PRG4: variants seen among roughly 807,000 people sequenced by gnomAD.
PRG4 encodes articular superficial zone protein.
Under a neutral mutation model 91.2 loss-of-function variants are expected in PRG4, and 61 were observed. The observed-to-expected ratio is 0.67, with a 90% CI of 0.54 to 0.83. The LOEUF (loss-of-function observed/expected upper bound fraction) is 0.83, where lower values mean the gene tolerates loss of function less well. PRG4 is among the 40% of genes least tolerant of loss of function. PRG4 has a pLI of 0.00. For synonymous variants in PRG4, 576 were observed against 614.2 expected, an observed-to-expected ratio of 0.94 and a Z score of 0.92; for missense variants, 1,564 against 1,714.2, an observed-to-expected ratio of 0.91 and a Z score of 1.55.
intron 3 of PRG4, 107 bp downstream of exon 3, chr1:186,300,320 C>A (rs977315602): frequency 3.5e-6 from 5 of 1,432,378 alleles, no homozygotes; most frequent in Non-Finnish European, 3.9e-6. Flanking sequence ...CCCTTGCACC[C>A]ACTTGCAGTG....
chr1:186,302,413 T>C (rs1285658691), intron 4 of PRG4, among the ~76,000 whole-genome samples: 1 of 152,254 alleles, frequency 6.6e-6, no homozygotes, highest in African/African-American at 2.4e-5. Flanking sequence ...TTTAAAAATA[T>C]ACTTGAATAC....
rs376036927 is a variant in PRG4, at chr1:186,307,854, C to T, written c.2135C>T (p.Thr712Ile). ...ACTGCTCCAACTACCCCTAAAGGGA[C>T]TGCTCCAACTACCCTCAAGGAACCT... ...KETAPTTPKG[T>I]APTTLKEPAP... Residue 712 changes from threonine (T) to isoleucine (I), a missense_variant, in exon 7 of 13, where the codon ACT becomes ATT. Thr to Ile is a moderately conservative substitution (Grantham distance 89, BLOSUM62 -1). Transcript: ENST00000445192. 1 of 1,611,380 alleles carries T rather than the reference C, an allele frequency of 6.2e-7. No homozygotes were observed. The highest frequency in any genetic ancestry group is 8.5e-7 in the Non-Finnish European group (1 of 1,179,224).
At position 186,312,191 on chromosome 1, in the gene PRG4, G is replaced by C. The variant is rs1309497507; in HGVS notation, c.3810G>C (p.Gln1270His). 3 of 1,613,842 alleles carry C rather than the reference G, an allele frequency of 1.9e-6. No individual in the cohort carries two copies. The highest frequency in any genetic ancestry group is 4.5e-5 in the East Asian group (2 of 44,868). ...YFFKRGGSIQ[Q>H]YIYKQEPVQK... ...ACATAACAGGTGGCAGCATTCAGCA[G>C]TATATTTATAAACAGGAACCTGTAC... The change falls in exon 11 of 13, where the codon CAG becomes CAC. Residue 1270 changes from glutamine (Q) to histidine (H), a missense_variant. This residue lies in a region of PRG4 where 1,079 missense variants were observed against 1,162.2 expected (regional missense o/e 0.93). Coordinates refer to ENST00000445192, the MANE Select transcript of PRG4 (RefSeq NM_005807.6).
At chr1:186,312,918 C>T in intron 12 of PRG4, 24 bp downstream of exon 12, 1 of 1,599,690 alleles carries the variant, frequency 6.3e-7, no homozygotes, top group East Asian at 2.2e-5. Context: ...TAACAGTTTC[C>T]CAAGGAGGTG....
rs921808391 is a variant in PRG4 at position 186,304,834 on chromosome 1, CTCCTCT to C, written c.519_524del (p.Ser176_Ser177del). 4.3e-6 allele frequency: 7 copies of C among 1,612,056 alleles called. No homozygotes were observed. Among genetic ancestry groups the C allele is most frequent in the African/African-American group, 2.7e-5 (2 of 74,736 alleles). On this transcript the variant is annotated inframe_deletion, in exon 6 of 13. Transcript: ENST00000445192. ...AAAATCAAGAGTCCTCCTCCTCCTC[CTCCTCT>C]TCCTCTTCTTCTTCAACAATTCGGA...
rs137926198 is a variant in PRG4 at position 186,307,917 on chromosome 1, T to G, written c.2198T>G (p.Leu733Arg). The G allele has an allele frequency of 1.1e-4, 175 of 1,524,612 alleles. No homozygotes were observed. The African/African-American group carries it at 1.8e-3, about 16-fold the overall frequency. The allele number at this position is 1,524,612 out of a possible 1,614,324, so 94.4% of individuals were successfully genotyped here. The change falls in exon 7 of 13, where the codon CTT becomes CGT. Residue 733 changes from leucine to arginine, a missense_variant. By Grantham distance (102) the Leu-to-Arg change is moderately radical. Around this residue, in one of 3 missense-constraint regions of PRG4, gnomAD observed 1,079 missense variants for 1,162.2 expected, o/e 0.93. Transcript: ENST00000445192. ...CCCAAGAAGCCTGCCCCCAAGGAGC[T>G]TGCACCCACCACCACCAAGGAGCCC... Reference protein sequence around the residue: ...TTPKKPAPKELAPTTTKEPTS... With the variant: ...TTPKKPAPKERAPTTTKEPTS...
chr1:186,302,555 C>T (rs932499511), intron 4 of PRG4, among the ~76,000 whole-genome samples: 2 of 152,224 alleles, frequency 1.3e-5, no homozygotes, highest in Non-Finnish European at 1.5e-5. Flanking sequence ...AACAAGCCTG[C>T]GCTTCCTGCT....
At chr1:186,297,132 T>G (rs1655910179) in intron 2 of PRG4, among the ~76,000 whole-genome samples, 181 bp downstream of exon 2, 1 of 152,222 alleles carries the variant, frequency 6.6e-6, no homozygotes. Context: ...ATTCTCATCT[T>G]TTTCTCCTTT....
chr1:186,313,028 A>T lies in PRG4; in HGVS notation c.4117+134A>T. 5.2e-6 allele frequency: 5 copies of T among 966,418 alleles called. No homozygotes were observed. The South Asian group carries it at 6.9e-5, about 13-fold the overall frequency. The allele number at this position is 966,418 out of a possible 1,614,324, so 59.9% of individuals were successfully genotyped here. On this transcript the variant is annotated intron_variant, in intron 12 of 12. Transcript: ENST00000445192. ...ACGGTACTTATTCTAATTGCTGTGGAAAAGAGTTAAGACTTTTGCTTTAAT... is the reference window on the plus strand; with the variant it reads ...ACGGTACTTATTCTAATTGCTGTGGTAAAGAGTTAAGACTTTTGCTTTAAT...
chr1:186,300,081 A>G lies in PRG4; in HGVS notation c.77-10A>G. 1 of 1,613,932 alleles carries G rather than the reference A, an allele frequency of 6.2e-7. No individual in the cohort carries two copies. The highest frequency in any genetic ancestry group is 2.2e-5 in the East Asian group (1 of 44,880). On this transcript the variant is annotated splice_polypyrimidine_tract_variant and intron_variant, in intron 2 of 12. Coordinates refer to ENST00000445192, the MANE Select transcript of PRG4 (RefSeq NM_005807.6). ...TTGGCCATATTTACGCCAGTATTGT[A>G]TAATTTTAGATTTATCAAGCTGTGC...
chr1:186,311,969 T>C, intron 10 of PRG4: 1 of 570,410 alleles, frequency 1.8e-6, no homozygotes, highest in South Asian at 2.3e-5. Flanking sequence ...ACTATGTAAT[T>C]TGCTGCATCT....
intron 7 of PRG4, 24 bp downstream of exon 7, chr1:186,309,164 T>C: frequency 6.3e-7 from 1 of 1,592,914 alleles, no homozygotes. Context: ...GTTATTTTCA[T>C]TTTTAAAGCT....
At position 186,301,807 on chromosome 1, in the gene PRG4, A is replaced by T. The variant is rs1656237448; in HGVS notation, c.319+96A>T. On this transcript the variant is annotated intron_variant, in intron 4 of 12. Transcript: ENST00000445192. ...TAATGTCTAACACGCAGTCCATCTT[A>T]GGCCTTGATTTTACTAACATATAAG... 6 of 1,483,636 alleles carry T rather than the reference A, an allele frequency of 4.0e-6. No individual in the cohort carries two copies. The Admixed American group carries it at 1.0e-4, about 25-fold the overall frequency. 91.9% of individuals were successfully genotyped at this position (1,483,636 alleles called of 1,614,324 possible). A position where few individuals can be genotyped will look rare whatever the true frequency, so the allele number is the denominator to read the frequency against.
chr1:186,308,004 C>T lies in PRG4; in HGVS notation c.2285C>T (p.Pro762Leu), dbSNP rs756098050. Residue 762 changes from proline to leucine, a missense_variant, in exon 7 of 13, where the codon CCT becomes CTT. Transcript: ENST00000445192. Reference protein sequence around the residue: ...TTPKGTAPTTPKEPAPTTPKE... With the variant: ...TTPKGTAPTTLKEPAPTTPKE... ...CCTAAGGGGACTGCTCCAACTACCC[C>T]TAAGGAGCCTGCTCCAACTACCCCT... The T allele has an allele frequency of 6.2e-7, 1 of 1,608,446 alleles. No homozygotes were observed. Among genetic ancestry groups the T allele is most frequent in the East Asian group, 2.2e-5 (1 of 44,602 alleles).
Position 186,308,323 on chromosome 1 carries a change from T to C in PRG4, c.2604T>C (p.Thr868=). 1 of 1,613,890 alleles carries C rather than the reference T, an allele frequency of 6.2e-7. No homozygotes were observed. The highest frequency in any genetic ancestry group is 8.5e-7 in the Non-Finnish European group (1 of 1,180,018). The change falls in exon 7 of 13, where the codon ACT becomes ACC. Residue 868 remains threonine (T), a synonymous_variant. Coordinates refer to ENST00000445192, the MANE Select transcript of PRG4 (RefSeq NM_005807.6). ...STPTTTKEPT[T]IHKSPDESTP... The stretch of plus-strand genomic sequence containing the variant: ...CAACTACCACCAAGGAGCCTACCAC[T>C]ATCCACAAAAGCCCTGATGAATCAA...
intron 5 of PRG4, 90 bp from the exon 6 acceptor site, chr1:186,304,704 T>C (rs773286488): frequency 3.4e-6 from 5 of 1,479,764 alleles, no homozygotes; most frequent in South Asian, 1.2e-5. Flanking sequence ...TGTAGACTAG[T>C]AAATAGCACT....
chr1:186,309,899 C>G, intron 8 of PRG4, 29 bp downstream of exon 8: 1 of 1,583,818 alleles, frequency 6.3e-7, no homozygotes, highest in Non-Finnish European at 8.7e-7. Flanking sequence ...TATTTTTCTT[C>G]TCATCATTCT....
At chr1:186,297,010 AT>A in intron 2 of PRG4, 59 bp downstream of exon 2, 1 of 1,410,908 alleles carries the variant, frequency 7.1e-7, no homozygotes, top group Non-Finnish European at 1.0e-6. Flanking sequence ...TTCAGTCTTG[AT>A]TTTTATAACA....
In PRG4 at chr1:186,304,819, G is replaced by GTCC. The variant is rs753751208; in HGVS notation, c.513_515dup (p.Ser177dup). 74 of 1,611,032 alleles carry GTCC rather than the reference G, an allele frequency of 4.6e-5. No homozygotes were observed. The highest frequency in any genetic ancestry group is 1.6e-4 in the Middle Eastern group (1 of 6,076). Reference sequence around the variant, plus strand: ...AACATTCTGTTTCTGAAAATCAAGAGTCCTCCTCCTCCTCCTCCTCTTCCT... The same window carrying GTCC: ...AACATTCTGTTTCTGAAAATCAAGAGTCCTCCTCCTCCTCCTCCTCCTCTTCCT... On this transcript the variant is annotated inframe_insertion, in exon 6 of 13. Transcript: ENST00000445192.
Sources: allele counts gnomAD v4.1 joint callset (sites outside exome capture counted in the v4.1 genomes callset), GRCh38; gene constraint gnomAD v4.1.1; regional missense constraint gnomAD v4.1.1; transcripts MANE v1.5; gene names NCBI Gene and HGNC (gene_info 2026-07-23, HGNC 2026-07-21).